The following NKAIN3 variants were observed in gnomAD, a reference collection of about 807,000 sequenced individuals.
NKAIN3 encodes the protein sodium/potassium transporting ATPase interacting 3, also known as sodium/potassium-transporting ATPase subunit beta-1-interacting protein 3.
In NKAIN3, 25 loss-of-function variants were observed where a neutral mutation model predicts 30.2. The observed-to-expected ratio is 0.83, with a 90% CI of 0.60 to 1.16. The LOEUF is 1.16. Among genes scored for constraint, NKAIN3 ranks in the 50% most tolerant of loss-of-function variants. The probability of loss-of-function intolerance (pLI) is 0.00; values close to 1 mark genes in which losing one functional copy is unlikely to be tolerated. For missense variants in NKAIN3, 225 were observed against 254.1 expected, an observed-to-expected ratio of 0.89 and a Z score of 0.78; for synonymous variants, 91 against 89.6, an observed-to-expected ratio of 1.02 and a Z score of -0.09.
At chr8:62,736,480 C>G (rs1454035396) in intron 3 of NKAIN3, among the ~76,000 whole-genome samples, 1 of 152,118 alleles carries the variant, frequency 6.6e-6, no homozygotes, top group Non-Finnish European at 1.5e-5. Flanking sequence ...CAGTGACAGG[C>G]CTCACTCAGC....
Position 62,290,708 on chromosome 8 carries a change from T to G in NKAIN3, c.54+41581T>G, listed in dbSNP as rs12339173. On this transcript the variant is annotated intron_variant, in intron 1 of 6. Transcript: ENST00000623646. ...ATATTGGTCTAAAATTCTCTTTTTTTGTGTGTCTCTGTCAGGCTTTGGTAT... is the reference window on the plus strand; with the variant it reads ...ATATTGGTCTAAAATTCTCTTTTTTGGTGTGTCTCTGTCAGGCTTTGGTAT... Among the ~76,000 whole-genome samples, 4 of 152,222 alleles carry G rather than the reference T, an allele frequency of 2.6e-5. No individual in the cohort carries two copies. The East Asian group carries it at 7.7e-4, about 29-fold the overall frequency.
intron 3 of NKAIN3, among the ~76,000 whole-genome samples, chr8:62,722,665 T>C (rs919183202): frequency 1.3e-5 from 2 of 152,134 alleles, no homozygotes; most frequent in Admixed American, 6.6e-5. Flanking sequence ...TTAAAATAAA[T>C]GTAGCTACAG....
At chr8:62,861,172 T>G (rs1820227838) in intron 4 of NKAIN3, among the ~76,000 whole-genome samples, 3 of 152,204 alleles carry the variant, frequency 2.0e-5, no homozygotes, top group Admixed American at 2.0e-4. Context: ...ATTGGAAACC[T>G]CATTATCTGG....
At chr8:62,334,973 C>T (rs1815490247) in intron 1 of NKAIN3, among the ~76,000 whole-genome samples, 1 of 152,036 alleles carries the variant, frequency 6.6e-6, no homozygotes, top group Admixed American at 6.6e-5. Flanking sequence ...AACTGCTTGT[C>T]ATTAATAAGG....
rs564262268 is a variant in NKAIN3, at chr8:62,798,574, C to T, written c.471+51445C>T. ...GTGACAGAGTGAGACTCCGTCCCCC[C>T]CAAAAAAAAAACAACAAAAGAAAGT... On this transcript the variant is annotated intron_variant, in intron 4 of 6. Transcript: ENST00000623646. 6.0e-5 allele frequency among the ~76,000 whole-genome samples: 9 copies of T among 150,646 alleles called. No individual in the cohort carries two copies. In the South Asian group the frequency reaches 1.3e-3, roughly 21 times the overall value.
intron 1 of NKAIN3, among the ~76,000 whole-genome samples, chr8:62,251,352 C>T (rs1812096688): frequency 6.6e-6 from 1 of 151,978 alleles, no homozygotes; most frequent in African/African-American, 2.4e-5. Flanking sequence ...GTGTAGCTCT[C>T]TGTTGACAAA....
At chr8:62,548,097 A>T (rs138388646) in intron 1 of NKAIN3, among the ~76,000 whole-genome samples, 21 of 152,238 alleles carry the variant, frequency 1.4e-4, no homozygotes, top group Non-Finnish European at 2.4e-4. Flanking sequence ...ATCTCATAGA[A>T]CCTGTCCACT....
chr8:62,435,833 C>T (rs553687448), intron 1 of NKAIN3, among the ~76,000 whole-genome samples: 1 of 152,106 alleles, frequency 6.6e-6, no homozygotes, highest in Non-Finnish European at 1.5e-5. Context: ...GTTTTTTAAA[C>T]CTCATGTCTA....
chr8:62,547,172 GTC>G (rs902221211), intron 1 of NKAIN3, among the ~76,000 whole-genome samples: 3 of 152,142 alleles, frequency 2.0e-5, no homozygotes, highest in African/African-American at 7.2e-5. Context: ...ACTTGAGAGT[GTC>G]TCTAGTGATC....
intron 3 of NKAIN3, among the ~76,000 whole-genome samples, chr8:62,641,904 T>A (rs762566968): frequency 6.6e-6 from 1 of 152,114 alleles, no homozygotes. Flanking sequence ...CCTGTATTTT[T>A]AATCTCATTT....
chr8:62,263,361 A>G (rs1490761838), intron 1 of NKAIN3, among the ~76,000 whole-genome samples: 1 of 152,062 alleles, frequency 6.6e-6, no homozygotes, highest in South Asian at 2.1e-4. Flanking sequence ...TGAAGAGGTA[A>G]TCTGGAATGT....
At chr8:62,595,619 G>T (rs1453713619) in intron 3 of NKAIN3, among the ~76,000 whole-genome samples, 1 of 151,966 alleles carries the variant, frequency 6.6e-6, no homozygotes, top group Non-Finnish European at 1.5e-5. Flanking sequence ...GATTGGTCGG[G>T]TGTGAGCTAA....
chr8:62,691,582 A>C (rs529277829), intron 3 of NKAIN3, among the ~76,000 whole-genome samples: 6 of 152,266 alleles, frequency 3.9e-5, no homozygotes, highest in Middle Eastern at 3.4e-3. Context: ...GTGAGAAAAA[A>C]ATTTGGAATA....
chr8:62,550,771 T>C (rs1451856), intron 1 of NKAIN3, among the ~76,000 whole-genome samples: 34,919 of 152,144 alleles, frequency 0.23, 4,204 homozygotes, highest in East Asian at 0.38. Context: ...TCCTTTGTTA[T>C]AGGAAATGGG....
chr8:62,322,949 C>G (rs1368952056), intron 1 of NKAIN3, among the ~76,000 whole-genome samples: 2 of 152,130 alleles, frequency 1.3e-5, no homozygotes, highest in Non-Finnish European at 2.9e-5. Flanking sequence ...CATCATAACT[C>G]ATCAGGATAA....
intron 1 of NKAIN3, among the ~76,000 whole-genome samples, chr8:62,573,928 T>A (rs1471831696): frequency 6.6e-6 from 1 of 152,182 alleles, no homozygotes; most frequent in African/African-American, 2.4e-5. Context: ...ACAATTAAAT[T>A]ATTACTTACA....
chr8:62,798,530 C>T (rs1817943974), intron 4 of NKAIN3, among the ~76,000 whole-genome samples: 1 of 151,920 alleles, frequency 6.6e-6, no homozygotes, highest in Non-Finnish European at 1.5e-5. Context: ...TGAGATTGCA[C>T]CACTGCACTC....
chr8:62,675,003 G>C (rs1269633828), intron 3 of NKAIN3, among the ~76,000 whole-genome samples: 6 of 152,166 alleles, frequency 3.9e-5, no homozygotes, highest in Non-Finnish European at 7.3e-5. Context: ...GTCTGCACAG[G>C]CTTCCTTCAA....
chr8:62,888,084 G>A (rs904730556), intron 4 of NKAIN3, among the ~76,000 whole-genome samples: 2 of 152,156 alleles, frequency 1.3e-5, no homozygotes, highest in African/African-American at 4.8e-5. Context: ...TTGAGCCTCT[G>A]AATTGTGACC....
Sources: gnomAD v4.1 joint callset for allele counts (sites outside exome capture counted in the v4.1 genomes callset) on GRCh38, gnomAD v4.1.1 for gene constraint, MANE v1.5 for transcripts, NCBI Gene and HGNC (gene_info 2026-07-23, HGNC 2026-07-21) for gene names.